POMZP3: variants seen among roughly 807,000 people sequenced by gnomAD.
POMZP3 encodes POM121 and ZP3 fusion, also known as POM121 and ZP3 fusion protein.
Under a neutral mutation model 19.8 loss-of-function variants are expected in POMZP3, and 10 were observed. The ratio of observed to expected loss-of-function variants is 0.51; its 90% CI spans 0.31 to 0.86. POMZP3 has a LOEUF of 0.86. POMZP3 is among the 40% of genes least tolerant of loss of function. The probability of loss-of-function intolerance (pLI) is 0.04; values close to 1 mark genes in which losing one functional copy is unlikely to be tolerated. For missense variants in POMZP3, 152 were observed against 228.1 expected, an observed-to-expected ratio of 0.67 and a Z score of 2.15; for synonymous variants, 57 against 85.8, an observed-to-expected ratio of 0.66 and a Z score of 1.85.
intron 3 of POMZP3, among the ~76,000 whole-genome samples, chr7:76,620,497 T>A (rs1042295684): frequency 1.3e-5 from 2 of 151,160 alleles, no homozygotes; most frequent in African/African-American, 4.9e-5. Flanking sequence ...AGATGGAGTT[T>A]CACTCTTCTT....
chr7:76,625,492 A>C, intron 3 of POMZP3, 30 bp downstream of exon 3: 1 of 1,607,346 alleles, frequency 6.2e-7, no homozygotes, highest in Admixed American at 1.7e-5. Context: ...CAAGCGGGAA[A>C]CTGGCTTAGT....
chr7:76,626,677 A>T (rs1815917896), intron 1 of POMZP3, 31 bp downstream of exon 1: 2 of 1,380,334 alleles, frequency 1.4e-6, no homozygotes, highest in Non-Finnish European at 1.9e-6. Context: ...GCCGAGCCAA[A>T]GGATGATCTG....
rs530701673 is a variant in POMZP3, at chr7:76,611,486, C to T, written c.543G>A (p.Trp181Ter). ...SRRQPRVVSQ[W>*]STSASL ...GCGGTTACAGGGAAGCAGACGTGGACCACTGGCTCACGACACGAGGCTGCC... is the reference window on the plus strand; with the variant it reads ...GCGGTTACAGGGAAGCAGACGTGGATCACTGGCTCACGACACGAGGCTGCC... The change falls in exon 6 of 7, where the codon TGG (tryptophan) becomes TGA (stop). Residue 181 changes from tryptophan to a stop codon, truncating the protein, a stop_gained. Coordinates refer to ENST00000310842, the MANE Select transcript of POMZP3 (RefSeq NM_012230.5). LOFTEE classifies it high-confidence loss of function. 1 of 1,603,884 alleles carries T rather than the reference C, an allele frequency of 6.2e-7. No individual in the cohort carries two copies. Among genetic ancestry groups the T allele is most frequent in the South Asian group, 1.1e-5 (1 of 90,852 alleles).
At chr7:76,625,267 G>A (rs1815811782) in intron 3 of POMZP3, among the ~76,000 whole-genome samples, 3 of 150,382 alleles carry the variant, frequency 2.0e-5, no homozygotes, top group Admixed American at 1.3e-4. Flanking sequence ...GAAGCATGAG[G>A]CTAACATGGC....
Position 76,621,777 on chromosome 7 carries a change from A to T in POMZP3, c.228-3477T>A, listed in dbSNP as rs1308467831. ...AACACGGTGAAATCCCATCTCTACT[A>T]AAAATACAAAAAAGTAGCCGGATAT... On this transcript the variant is annotated intron_variant, in intron 3 of 6. Transcript: ENST00000310842. Among the ~76,000 whole-genome samples, 10 of 151,722 alleles carry T rather than the reference A, an allele frequency of 6.6e-5. 1 individual carries two copies. The highest frequency in any genetic ancestry group is 1.3e-4 in the Non-Finnish European group (9 of 67,942).
At chr7:76,611,413 T>C (rs1815092181) in intron 6 of POMZP3, 41 bp downstream of exon 6, 1 of 1,521,854 alleles carries the variant, frequency 6.6e-7, no homozygotes, top group Non-Finnish European at 8.8e-7. Context: ...CTCAACTGAG[T>C]AAGGGACAAT....
chr7:76,623,001 T>C (rs1815655421), intron 3 of POMZP3, among the ~76,000 whole-genome samples: 2 of 151,828 alleles, frequency 1.3e-5, no homozygotes, highest in Non-Finnish European at 2.9e-5. Flanking sequence ...CCTCTGGAGC[T>C]GGGAATACAG....
Position 76,610,207 on chromosome 7 carries a change from C to T in POMZP3, c.*20G>A, listed in dbSNP as rs1815023657. On this transcript the variant is annotated 3_prime_UTR_variant, in exon 7 of 7. Coordinates refer to ENST00000310842, the MANE Select transcript of POMZP3 (RefSeq NM_012230.5). ...AGTGGCCCCACGGTGACATCTGCTT[C>T]TTCTGTCACTGTGAAAGGAGAACAC... 8.7e-6 allele frequency: 14 copies of T among 1,613,566 alleles called. No individual in the cohort carries two copies. The highest frequency in any genetic ancestry group is 2.2e-5 in the East Asian group (1 of 44,848).
At chr7:76,611,411 A>G in intron 6 of POMZP3, 43 bp downstream of exon 6, 1 of 1,519,450 alleles carries the variant, frequency 6.6e-7, no homozygotes, top group Non-Finnish European at 8.9e-7. Flanking sequence ...CCCTCAACTG[A>G]GTAAGGGACA....
Position 76,623,440 on chromosome 7 carries a change from A to G in POMZP3, c.227+2082T>C, listed in dbSNP as rs369868456. Among the ~76,000 whole-genome samples, 1,356 of 146,578 alleles carry G rather than the reference A, an allele frequency of 9.3e-3. 54 individuals are homozygous for G. The East Asian group carries it at 0.11, about 12-fold the overall frequency. On this transcript the variant is annotated intron_variant, in intron 3 of 6. Transcript: ENST00000310842. ...TGCAGTTCTTGTTGCTCCTGTGGGGATAGTTTCATTCTCATTGTAAATGAA... is the reference window on the plus strand; with the variant it reads ...TGCAGTTCTTGTTGCTCCTGTGGGGGTAGTTTCATTCTCATTGTAAATGAA...
intron 3 of POMZP3, among the ~76,000 whole-genome samples, chr7:76,621,705 C>T (rs1330153245): frequency 6.6e-6 from 1 of 151,742 alleles, no homozygotes; most frequent in East Asian, 1.9e-4. Flanking sequence ...CTTTGGGAGG[C>T]TGAGGCGGGC....
intron 3 of POMZP3, among the ~76,000 whole-genome samples, chr7:76,624,452 AT>A (rs34901875): frequency 0.024 from 3,490 of 147,448 alleles, 78 homozygotes; most frequent in African/African-American, 0.081. Context: ...CACATAAGGA[AT>A]TTTTTTTTTT....
chr7:76,623,651 T>C (rs887946629), intron 3 of POMZP3, among the ~76,000 whole-genome samples: 11 of 147,544 alleles, frequency 7.5e-5, no homozygotes, highest in African/African-American at 2.0e-4. Flanking sequence ...AATACAAAAA[T>C]TAGCTGGCTG....
chr7:76,624,430 T>C (rs901649761), intron 3 of POMZP3, among the ~76,000 whole-genome samples: 2 of 145,972 alleles, frequency 1.4e-5, no homozygotes, highest in African/African-American at 5.2e-5. Flanking sequence ...TTCATTAGGT[T>C]ATTTTACAAA....
Position 76,627,231 on chromosome 7 carries a change from C to T in POMZP3, c.-675G>A, listed in dbSNP as rs1815959558. Reference sequence around the variant, plus strand: ...GGCCGCCGCCGCTCGCCTGCTCCAGCCGCCGCAGCCGCCGGAGACATCGCG... The same window carrying T: ...GGCCGCCGCCGCTCGCCTGCTCCAGTCGCCGCAGCCGCCGGAGACATCGCG... On this transcript the variant is annotated 5_prime_UTR_variant, in exon 1 of 7. Coordinates refer to ENST00000310842, the MANE Select transcript of POMZP3 (RefSeq NM_012230.5). 2.1e-6 allele frequency: 3 copies of T among 1,405,982 alleles called. 1 individual carries two copies. In the South Asian group the frequency reaches 4.4e-5, roughly 21 times the overall value. 87.1% of individuals were successfully genotyped at this position (1,405,982 alleles called of 1,614,324 possible).
At chr7:76,623,141 A>G (rs866831681) in intron 3 of POMZP3, among the ~76,000 whole-genome samples, 59 of 151,234 alleles carry the variant, frequency 3.9e-4, no homozygotes, top group Middle Eastern at 6.8e-3. Context: ...CAAAGTGCTG[A>G]AATTACAGGT....
chr7:76,615,497 C>G (rs1394201545), intron 4 of POMZP3: 2 of 87,708 alleles, frequency 2.3e-5, no homozygotes, highest in African/African-American at 1.2e-4. Context: ...AAGGCAGCTG[C>G]TGGAGGAGGT....
intron 3 of POMZP3, among the ~76,000 whole-genome samples, chr7:76,619,483 G>A (rs893768348): frequency 2.6e-5 from 4 of 151,210 alleles, no homozygotes; most frequent in African/African-American, 7.3e-5. Flanking sequence ...TGCCACTTGC[G>A]TTCTTGCATA....
intron 3 of POMZP3, chr7:76,618,735 T>G (rs1193483008): frequency 5.8e-6 from 1 of 172,472 alleles, no homozygotes; most frequent in Non-Finnish European, 1.3e-5. Flanking sequence ...GAAGAAAGTT[T>G]CTGGGAAGAG....
Sources: allele counts gnomAD v4.1 joint callset (sites outside exome capture counted in the v4.1 genomes callset), GRCh38; gene constraint gnomAD v4.1.1; transcripts MANE v1.5; gene names NCBI Gene and HGNC (gene_info 2026-07-23, HGNC 2026-07-21).